IFNAR1: variants seen among roughly 807,000 people sequenced by gnomAD.
IFNAR1 encodes interferon alpha/beta receptor 1.
A neutral mutation model predicts 62.1 loss-of-function variants in IFNAR1; 47 were observed. The ratio of observed to expected loss-of-function variants is 0.76; its 90% CI spans 0.60 to 0.97. The LOEUF is 0.97. IFNAR1 is among the 50% of genes least tolerant of loss of function. The probability of loss-of-function intolerance (pLI) is 0.00; values close to 1 mark genes in which losing one functional copy is unlikely to be tolerated. For synonymous variants in IFNAR1, 219 were observed against 226.9 expected (o/e 0.97, Z 0.31); for missense variants, 638 against 654.5 (o/e 0.97, Z 0.27).
intron 1 of IFNAR1, 64 bp from the exon 2 acceptor site, chr21:33,335,460 G>A (rs2083224370): frequency 1.1e-6 from 1 of 929,000 alleles, no homozygotes; most frequent in Non-Finnish European, 1.6e-6. Context: ...GTGAGGGATA[G>A]AATAACATTT....
At chr21:33,334,175 T>C (rs2083210395) in intron 1 of IFNAR1, among the ~76,000 whole-genome samples, 1 of 152,122 alleles carries the variant, frequency 6.6e-6, no homozygotes, top group Admixed American at 6.5e-5. Context: ...CACCCAGATA[T>C]ATAAAGTAAA....
intron 6 of IFNAR1, among the ~76,000 whole-genome samples, chr21:33,348,436 A>T (rs903206464): frequency 6.6e-6 from 1 of 152,228 alleles, no homozygotes; most frequent in African/African-American, 2.4e-5. Context: ...AATAAAATGT[A>T]GTAAAATAAT....
chr21:33,334,317 A>G (rs1353407076), intron 1 of IFNAR1, among the ~76,000 whole-genome samples: 1 of 152,212 alleles, frequency 6.6e-6, no homozygotes, highest in African/African-American at 2.4e-5. Context: ...ACCAAGAAAC[A>G]GTCAAACTTT....
intron 2 of IFNAR1, among the ~76,000 whole-genome samples, chr21:33,337,639 A>ATATATATACATACTG: frequency 1.9e-5 from 1 of 51,920 alleles, no homozygotes; most frequent in South Asian, 6.9e-4. Context: ...TATATACACT[A>ATATATATACATACTG]TATATATACA....
rs181939581 is a variant in IFNAR1, at chr21:33,341,017, G to A, written c.219G>A (p.Trp73Ter). ...TTTAAAGAACTGGGATGGATAATTGGATAAAATTGTCTGGGTGTCAGAATA... is the reference window on the plus strand; with the variant it reads ...TTTAAAGAACTGGGATGGATAATTGAATAAAATTGTCTGGGTGTCAGAATA... The part of the protein sequence containing the change: ...FDYQKTGMDN[W>*]IKLSGCQNIT... Residue 73 changes from tryptophan to a stop codon, truncating the protein, a stop_gained, in exon 3 of 11, where the codon TGG becomes TGA. Transcript: ENST00000270139. LOFTEE classifies it high-confidence loss of function. 2 of 1,609,264 alleles carry A rather than the reference G, an allele frequency of 1.2e-6. No homozygotes were observed. Among genetic ancestry groups the A allele is most frequent in the African/African-American group, 1.3e-5 (1 of 74,816 alleles).
intron 1 of IFNAR1, among the ~76,000 whole-genome samples, chr21:33,330,507 G>A (rs2083166433): frequency 1.3e-5 from 2 of 152,086 alleles, no homozygotes; most frequent in South Asian, 4.2e-4. Flanking sequence ...CTTGGCACAG[G>A]ATTAACAACA....
At chr21:33,349,674 C>A in intron 8 of IFNAR1, 131 bp downstream of exon 8, 1 of 656,928 alleles carries the variant, frequency 1.5e-6, no homozygotes. Context: ...CCTGTAATCC[C>A]AGCACTTCAG....
intron 2 of IFNAR1, among the ~76,000 whole-genome samples, chr21:33,336,096 C>T (rs923579535): frequency 2.1e-5 from 3 of 142,668 alleles, no homozygotes. Flanking sequence ...ACAACAGGCC[C>T]CAGAGTGTGA....
intron 10 of IFNAR1, 47 bp from the exon 11 acceptor site, chr21:33,355,269 A>G (rs750048980): frequency 2.1e-6 from 2 of 941,032 alleles, no homozygotes; most frequent in Non-Finnish European, 3.2e-6. Context: ...AGGAATTTTT[A>G]TTATTTTAAA....
At chr21:33,346,223 G>A (rs1274942025) in intron 6 of IFNAR1, among the ~76,000 whole-genome samples, 2 of 152,112 alleles carry the variant, frequency 1.3e-5, no homozygotes, top group African/African-American at 4.8e-5. Flanking sequence ...TGGGTTATGG[G>A]GAGAAAAGAG....
intron 2 of IFNAR1, among the ~76,000 whole-genome samples, chr21:33,335,911 G>A (rs996433524): frequency 7.8e-6 from 1 of 128,730 alleles, no homozygotes; most frequent in Non-Finnish European, 1.7e-5. Context: ...GGGTGTTCCA[G>A]CTTCTTTTTT....
Position 33,348,814 on chromosome 21 carries a change from C to CA in IFNAR1, c.789-269dup, listed in dbSNP as rs891320161. On this transcript the variant is annotated intron_variant, in intron 6 of 10. Coordinates refer to ENST00000270139, the MANE Select transcript of IFNAR1 (RefSeq NM_000629.3). ...CGAGACTCGGTCTCAAAAAAAAAGC[C>CA]AAAAAAAATAAACCAGCTTGCAGCA... Among the ~76,000 whole-genome samples, 22 of 151,600 alleles carry CA rather than the reference C, an allele frequency of 1.5e-4. No individual in the cohort carries two copies. The East Asian group carries it at 2.3e-3, about 16-fold the overall frequency.
intron 6 of IFNAR1, among the ~76,000 whole-genome samples, chr21:33,348,662 C>T (rs1469338958): frequency 1.3e-5 from 2 of 152,022 alleles, no homozygotes; most frequent in Non-Finnish European, 2.9e-5. Context: ...ATTAGGCAGG[C>T]CTGGTGGCGT....
intron 6 of IFNAR1, among the ~76,000 whole-genome samples, chr21:33,346,659 G>A (rs2083350527): frequency 1.3e-5 from 2 of 152,204 alleles, no homozygotes; most frequent in South Asian, 2.1e-4. Flanking sequence ...AGAATCAAAC[G>A]TGGTTCAAAA....
At chr21:33,333,710 G>A (rs1340772496) in intron 1 of IFNAR1, among the ~76,000 whole-genome samples, 6 of 145,544 alleles carry the variant, frequency 4.1e-5, no homozygotes, top group Non-Finnish European at 4.5e-5. Context: ...TGCAAGCTCC[G>A]CCTCCCGGGT....
rs9980387 is a variant in IFNAR1 at position 33,331,921 on chromosome 21, A to G, written c.77-3603A>G. ...CATTCTCTGGGCCTAAGCTGCCAGG[A>G]AGCACCTCCAGGTCACAAATCCTGG... On this transcript the variant is annotated intron_variant, in intron 1 of 10. Coordinates refer to ENST00000270139, the MANE Select transcript of IFNAR1 (RefSeq NM_000629.3). Among the ~76,000 whole-genome samples, 225 of 152,252 alleles carry G rather than the reference A, an allele frequency of 1.5e-3. 2 individuals are homozygous for G. The highest frequency in any genetic ancestry group is 4.2e-3 in the African/African-American group (175 of 41,546).
At chr21:33,339,930 A>G (rs2083278550) in intron 2 of IFNAR1, among the ~76,000 whole-genome samples, 1 of 65,144 alleles carries the variant, frequency 1.5e-5, no homozygotes, top group Admixed American at 1.6e-4. Flanking sequence ...TCTGTCTCAA[A>G]AAAAAAAAAA....
rs149502605 is a variant in IFNAR1 at position 33,343,606 on chromosome 21, A to G, written c.603A>G (p.Lys201=). ...CACCAGAGACTACTTATTGTCTAAAAGTTAAAGCAGCACTACTTACGTCAT... is the reference window on the plus strand; with the variant it reads ...CACCAGAGACTACTTATTGTCTAAAGGTTAAAGCAGCACTACTTACGTCAT... ...KLSPETTYCL[K]VKAALLTSWK... The change falls in exon 5 of 11, where the codon AAA becomes AAG. Residue 201 remains lysine (K), a synonymous_variant. Transcript: ENST00000270139. 3.1e-6 allele frequency: 5 copies of G among 1,596,404 alleles called. No individual in the cohort carries two copies. In the African/African-American group the frequency reaches 6.7e-5, roughly 21 times the overall value.
chr21:33,326,706 G>C (rs1204399227), intron 1 of IFNAR1, among the ~76,000 whole-genome samples: 1 of 152,142 alleles, frequency 6.6e-6, no homozygotes, highest in Admixed American at 6.5e-5. Context: ...CATTCGTTTG[G>C]AAGAGGGTGT....
Sources: allele counts gnomAD v4.1 joint callset (sites outside exome capture counted in the v4.1 genomes callset), GRCh38; gene constraint gnomAD v4.1.1; transcripts MANE v1.5; gene names NCBI Gene and HGNC (gene_info 2026-07-23, HGNC 2026-07-21).